The following SPOCK1 variants were observed in gnomAD, a reference collection of about 807,000 sequenced individuals.
SPOCK1 encodes testican-1.
Under a neutral mutation model 55.3 loss-of-function variants are expected in SPOCK1, and 23 were observed. The ratio of observed to expected loss-of-function variants is 0.42; its 90% CI spans 0.30 to 0.59. The LOEUF (loss-of-function observed/expected upper bound fraction) is 0.59. Among genes scored for constraint, SPOCK1 ranks in the 20% least tolerant of loss-of-function variants. The pLI is 0.22. For synonymous variants in SPOCK1, 226 were observed against 221.0 expected (o/e 1.02, Z -0.20); for missense variants, 499 against 552.5 (o/e 0.90, Z 0.97).
At chr5:137,412,461 T>C (rs1439487149) in intron 2 of SPOCK1, among the ~76,000 whole-genome samples, 1 of 152,220 alleles carries the variant, frequency 6.6e-6, no homozygotes, top group Non-Finnish European at 1.5e-5. Flanking sequence ...ATGTGTCACC[T>C]TGAAATGTCA....
At chr5:136,987,741 G>A (rs763410051) in intron 8 of SPOCK1, among the ~76,000 whole-genome samples, 2 of 151,676 alleles carry the variant, frequency 1.3e-5, no homozygotes, top group Non-Finnish European at 2.9e-5. Context: ...ATGTTCTCCC[G>A]ATGTGGGCCT....
chr5:137,402,320 C>A (rs1053854675), intron 2 of SPOCK1, among the ~76,000 whole-genome samples: 1 of 152,148 alleles, frequency 6.6e-6, no homozygotes, highest in Admixed American at 6.5e-5. Flanking sequence ...ATGCTTATGG[C>A]ATTATAACAA....
intron 4 of SPOCK1, among the ~76,000 whole-genome samples, chr5:137,131,768 C>A (rs1322023193): frequency 1.3e-5 from 2 of 149,472 alleles, no homozygotes; most frequent in Admixed American, 6.7e-5. Flanking sequence ...GTCAAGAGAT[C>A]GAGACCATCC....
chr5:137,016,366 C>T (rs1215576537), intron 6 of SPOCK1, among the ~76,000 whole-genome samples: 5 of 152,188 alleles, frequency 3.3e-5, no homozygotes, highest in Non-Finnish European at 2.9e-5. Context: ...TTTAACAAGC[C>T]GGACATCCAT....
intron 2 of SPOCK1, among the ~76,000 whole-genome samples, chr5:137,340,646 C>G (rs1323567647): frequency 6.6e-6 from 1 of 152,044 alleles, no homozygotes; most frequent in Non-Finnish European, 1.5e-5. Context: ...TTTGGGAGGC[C>G]GAGGTGGGTG....
At chr5:137,444,361 G>C (rs1391939298) in intron 2 of SPOCK1, among the ~76,000 whole-genome samples, 2 of 152,166 alleles carry the variant, frequency 1.3e-5, no homozygotes, top group African/African-American at 4.8e-5. Context: ...CATCATATAG[G>C]CTCTGCCTGG....
chr5:137,101,483 T>C, intron 5 of SPOCK1, among the ~76,000 whole-genome samples: 1 of 152,232 alleles, frequency 6.6e-6, no homozygotes, highest in East Asian at 1.9e-4. Flanking sequence ...TACATGGCAT[T>C]CTACTCAGGG....
At chr5:137,139,328 T>TCA (rs771667515) in intron 4 of SPOCK1, among the ~76,000 whole-genome samples, 3 of 152,168 alleles carry the variant, frequency 2.0e-5, no homozygotes, top group African/African-American at 7.2e-5. Context: ...CTCTAGATGC[T>TCA]CACCTCATGC....
At chr5:137,145,894 T>C (rs1234304909) in intron 3 of SPOCK1, among the ~76,000 whole-genome samples, 1 of 152,114 alleles carries the variant, frequency 6.6e-6, no homozygotes, top group Non-Finnish European at 1.5e-5. Flanking sequence ...GGAATTCAAG[T>C]GTTTCATGAG....
intron 6 of SPOCK1, among the ~76,000 whole-genome samples, chr5:137,040,732 A>T (rs1209775191): frequency 2.0e-5 from 3 of 152,182 alleles, no homozygotes; most frequent in Non-Finnish European, 4.4e-5. Context: ...TCAATTTCAC[A>T]TCTCTCTGTA....
intron 2 of SPOCK1, among the ~76,000 whole-genome samples, chr5:137,414,296 A>C (rs1752283117): frequency 6.6e-6 from 1 of 152,228 alleles, no homozygotes; most frequent in Non-Finnish European, 1.5e-5. Flanking sequence ...GAGTGGCAAA[A>C]GAGAGTGACC....
chr5:137,451,782 T>G (rs970193822), intron 2 of SPOCK1, among the ~76,000 whole-genome samples: 1 of 152,244 alleles, frequency 6.6e-6, no homozygotes, highest in Non-Finnish European at 1.5e-5. Flanking sequence ...GCCAGCAGAA[T>G]CCATTGATTT....
At chr5:137,410,673 A>G (rs1014119930) in intron 2 of SPOCK1, among the ~76,000 whole-genome samples, 3 of 152,268 alleles carry the variant, frequency 2.0e-5, no homozygotes, top group African/African-American at 4.8e-5. Context: ...CCTATGGCAT[A>G]TCACAAAGAT....
intron 6 of SPOCK1, among the ~76,000 whole-genome samples, chr5:137,015,567 G>T (rs186477484): frequency 9.6e-4 from 146 of 152,328 alleles, no homozygotes; most frequent in African/African-American, 3.2e-3. Flanking sequence ...GGAGCCTGAA[G>T]GAATCTGGGA....
chr5:137,153,089 A>G (rs796141194), intron 3 of SPOCK1, among the ~76,000 whole-genome samples: 23 of 152,244 alleles, frequency 1.5e-4, no homozygotes, highest in South Asian at 1.0e-3. Context: ...TGGGGGTTCA[A>G]TAACTATTGC....
At chr5:137,361,785 A>C (rs550584986) in intron 2 of SPOCK1, among the ~76,000 whole-genome samples, 1 of 152,324 alleles carries the variant, frequency 6.6e-6, no homozygotes, top group South Asian at 2.1e-4. Context: ...TGAGAAAAAA[A>C]CTTGTCCTCA....
chr5:137,385,168 A>G (rs1231264010), intron 2 of SPOCK1, among the ~76,000 whole-genome samples: 2 of 152,162 alleles, frequency 1.3e-5, no homozygotes, highest in Non-Finnish European at 2.9e-5. Context: ...AAAGAATTTG[A>G]GGCAATTCAG....
intron 2 of SPOCK1, among the ~76,000 whole-genome samples, chr5:137,346,030 A>G (rs1750548013): frequency 6.6e-6 from 1 of 152,224 alleles, no homozygotes; most frequent in Non-Finnish European, 1.5e-5. Context: ...GCCCAAGGCC[A>G]TGGGGCTGAG....
Position 136,978,546 on chromosome 5 carries a change from G to C in SPOCK1, c.*108C>G, listed in dbSNP as rs1478960490. 8.0e-7 allele frequency: 1 copy of C among 1,249,698 alleles called. No homozygotes were observed. The highest frequency in any genetic ancestry group is 1.5e-5 in the African/African-American group (1 of 66,162). 77.4% of individuals were successfully genotyped at this position (1,249,698 alleles called of 1,614,324 possible). A position where few individuals can be genotyped will look rare whatever the true frequency, so the allele number is the denominator to read the frequency against. Reference sequence around the variant, plus strand: ...CCAAACCTTAGGTCGGGTATAGAGAGCAACAATGGAGAAGAGACCTTGGTG... The same window carrying C: ...CCAAACCTTAGGTCGGGTATAGAGACCAACAATGGAGAAGAGACCTTGGTG... On this transcript the variant is annotated 3_prime_UTR_variant, in exon 11 of 11. Transcript: ENST00000394945.
Sources: gnomAD v4.1 joint callset for allele counts (sites outside exome capture counted in the v4.1 genomes callset) on GRCh38, gnomAD v4.1.1 for gene constraint, MANE v1.5 for transcripts, NCBI Gene and HGNC (gene_info 2026-07-23, HGNC 2026-07-21) for gene names.